Variants in ASCC3 observed in about 807,000 individuals in gnomAD.
The protein encoded by ASCC3 is activating signal cointegrator 1 complex subunit 3.
ASCC3 carries 158 observed loss-of-function variants against 256.3 expected under a neutral mutation model. The ratio of observed to expected loss-of-function variants is 0.62; its 90% CI spans 0.54 to 0.70. ASCC3 has a LOEUF of 0.70. Ranked by LOEUF, ASCC3 falls within the 30% of genes least tolerant of loss-of-function variation. The pLI is 0.00. For missense variants in ASCC3, 2,259 were observed against 2,626.0 expected (o/e 0.86, Z 3.05); for synonymous variants, 948 against 883.4 (o/e 1.07, Z -1.30).
intron 10 of ASCC3, among the ~76,000 whole-genome samples, chr6:100,750,691 G>C (rs1455276617): frequency 6.6e-6 from 1 of 151,874 alleles, no homozygotes; most frequent in African/African-American, 2.4e-5. Flanking sequence ...CTGCATCTGT[G>C]GCACTGAATA....
intron 37 of ASCC3, among the ~76,000 whole-genome samples, chr6:100,534,423 A>G (rs187280199): frequency 6.6e-6 from 1 of 152,300 alleles, no homozygotes; most frequent in East Asian, 1.9e-4. Context: ...TTTCCATAAG[A>G]GCTAACATGA....
chr6:100,532,335 CGTGTGTGT>C (rs3073701), intron 37 of ASCC3, among the ~76,000 whole-genome samples: 22 of 99,796 alleles, frequency 2.2e-4, no homozygotes, highest in African/African-American at 4.3e-4. Flanking sequence ...TGCTATCTTG[CGTGTGTGT>C]GTGTGTGTGT....
chr6:100,577,140 C>T (rs757002713), intron 36 of ASCC3, among the ~76,000 whole-genome samples: 2 of 151,792 alleles, frequency 1.3e-5, no homozygotes, highest in African/African-American at 4.8e-5. Context: ...CTGATCCCTA[C>T]GTTGTAAAAA....
chr6:100,744,744 G>A (rs1243982330), intron 10 of ASCC3, among the ~76,000 whole-genome samples: 1 of 152,102 alleles, frequency 6.6e-6, no homozygotes, highest in Non-Finnish European at 1.5e-5. Context: ...ATTTGGAAAT[G>A]CTATAAACAA....
chr6:100,879,651 A>C, intron 1 of ASCC3, among the ~76,000 whole-genome samples: 1 of 132,192 alleles, frequency 7.6e-6, no homozygotes, highest in Admixed American at 8.0e-5. Context: ...CTACCTCAAA[A>C]GAAAAAGCTT....
At chr6:100,782,991 C>T (rs1782516831) in intron 8 of ASCC3, among the ~76,000 whole-genome samples, 1 of 151,024 alleles carries the variant, frequency 6.6e-6, no homozygotes, top group African/African-American at 2.4e-5. Flanking sequence ...TTTTTGAAAC[C>T]ATATGATAAT....
chr6:100,520,441 T>C (rs1774247132), intron 37 of ASCC3, among the ~76,000 whole-genome samples: 1 of 151,974 alleles, frequency 6.6e-6, no homozygotes, highest in East Asian at 1.9e-4. Context: ...CTTCTTTTTT[T>C]TTTTTCTTTT....
chr6:100,629,261 A>G, intron 26 of ASCC3, 80 bp from the exon 27 acceptor site: 1 of 1,339,276 alleles, frequency 7.5e-7, no homozygotes, highest in Non-Finnish European at 1.0e-6. Context: ...TATCTCTTTT[A>G]AAATAAAATT....
intron 30 of ASCC3, among the ~76,000 whole-genome samples, chr6:100,608,118 C>G (rs36214354): frequency 0.28 from 6,404 of 22,834 alleles, 1,080 homozygotes; most frequent in East Asian, 0.61. Flanking sequence ...GTATATATAT[C>G]TATATATACA....
At chr6:100,652,951 A>G (rs1166430778) in intron 17 of ASCC3, 62 bp from the exon 18 acceptor site, 2 of 1,466,318 alleles carry the variant, frequency 1.4e-6, no homozygotes, top group Non-Finnish European at 1.9e-6. Flanking sequence ...TTGCAAACAT[A>G]TATTTATTTA....
At chr6:100,632,012 T>C (rs577856908) in intron 25 of ASCC3, among the ~76,000 whole-genome samples, 1 of 151,850 alleles carries the variant, frequency 6.6e-6, no homozygotes, top group East Asian at 1.9e-4. Context: ...AATCACAACA[T>C]CTCTGTAAAT....
chr6:100,732,160 C>CAAA (rs1326943351), intron 10 of ASCC3, among the ~76,000 whole-genome samples: 1 of 35,144 alleles, frequency 2.8e-5, no homozygotes, highest in African/African-American at 9.8e-5. Context: ...GACTCCGTCT[C>CAAA]AAAACAAAAA....
intron 36 of ASCC3, among the ~76,000 whole-genome samples, chr6:100,565,145 C>A (rs1230090297): frequency 1.3e-5 from 2 of 152,262 alleles, no homozygotes; most frequent in Admixed American, 6.5e-5. Flanking sequence ...AGAGCTTTAA[C>A]TGCAATTGAA....
rs780428430 is a variant in ASCC3, at chr6:100,725,553, G to A, written c.1888C>T (p.Arg630Cys). 1.5e-5 allele frequency: 24 copies of A among 1,612,106 alleles called. No individual in the cohort carries two copies. The highest frequency in any genetic ancestry group is 2.0e-5 in the Non-Finnish European group (23 of 1,178,786). ...RGPVLESIVA[R>C]TLRQVESTQS... is the part of the protein sequence containing the mutation. Reference sequence around the variant, plus strand: ...CTTCCTCTTACCTGCCGTAAAGTACGGGCAACTATGCTTTCTAATACTGGT... The same window carrying A: ...CTTCCTCTTACCTGCCGTAAAGTACAGGCAACTATGCTTTCTAATACTGGT... Residue 630 changes from arginine (R) to cysteine (C), a missense_variant, in exon 11 of 42, where the codon CGT becomes TGT. Physicochemically the swap from Arg to Cys is radical, Grantham distance 180 (BLOSUM62 -3). This residue lies in a region of ASCC3 where 1,839 missense variants were observed against 2,206.7 expected (regional missense o/e 0.83). Coordinates refer to ENST00000369162, the MANE Select transcript of ASCC3 (RefSeq NM_006828.4).
chr6:100,575,444 T>C (rs1396979170), intron 36 of ASCC3, among the ~76,000 whole-genome samples: 1 of 152,078 alleles, frequency 6.6e-6, no homozygotes, highest in African/African-American at 2.4e-5. Flanking sequence ...AAATGTTCTA[T>C]ATACAGGCAG....
At chr6:100,770,695 T>C (rs573862170) in intron 8 of ASCC3, among the ~76,000 whole-genome samples, 455 of 152,072 alleles carry the variant, frequency 3.0e-3, no homozygotes, top group Middle Eastern at 6.8e-3. Flanking sequence ...ATACCGGCAA[T>C]GAAATATCTG....
intron 36 of ASCC3, among the ~76,000 whole-genome samples, chr6:100,586,683 G>A (rs535237017): frequency 1.7e-4 from 26 of 152,198 alleles, no homozygotes; most frequent in South Asian, 1.7e-3. Context: ...CGTCACTCAC[G>A]CTGGGAGCTG....
At chr6:100,719,397 T>C (rs1221208613) in intron 11 of ASCC3, among the ~76,000 whole-genome samples, 1 of 152,114 alleles carries the variant, frequency 6.6e-6, no homozygotes, top group East Asian at 1.9e-4. Flanking sequence ...CACAGTTCTA[T>C]GTAGTACTAG....
chr6:100,717,342 T>C (rs1779131953), intron 12 of ASCC3, among the ~76,000 whole-genome samples: 1 of 152,054 alleles, frequency 6.6e-6, no homozygotes, highest in South Asian at 2.1e-4. Context: ...TGATTTTATC[T>C]TGTTCTCTTT....
Sources: gnomAD v4.1 joint callset for allele counts (sites outside exome capture counted in the v4.1 genomes callset) on GRCh38, gnomAD v4.1.1 for gene constraint, gnomAD v4.1.1 regional missense constraint, MANE v1.5 for transcripts, NCBI Gene and HGNC (gene_info 2026-07-23, HGNC 2026-07-21) for gene names.